Variants in TMPRSS9 observed in about 807,000 individuals in gnomAD.
The protein encoded by TMPRSS9 is transmembrane serine protease 9.
In TMPRSS9, 113 loss-of-function variants were observed where a neutral mutation model predicts 111.4. That is an observed-to-expected ratio of 1.01 (90% CI 0.87 to 1.19). TMPRSS9 has a LOEUF of 1.19. Among genes scored for constraint, TMPRSS9 ranks in the 50% most tolerant of loss-of-function variants. The probability of loss-of-function intolerance (pLI) is 0.00; values close to 1 mark genes in which losing one functional copy is unlikely to be tolerated. For synonymous variants in TMPRSS9, 805 were observed against 659.1 expected (o/e 1.22, Z -3.39); for missense variants, 1,803 against 1,513.1 (o/e 1.19, Z -3.18).
chr19:2,386,006 G>A (rs1238738238), upstream of TMPRSS9, among the ~76,000 whole-genome samples: 3 of 152,048 alleles, frequency 2.0e-5, no homozygotes, highest in Non-Finnish European at 4.4e-5. Context: ...GTGCAGTGGT[G>A]TGATCACAGG....
chr19:2,408,717 C>T, intron 8 of TMPRSS9, 87 bp downstream of exon 9: 1 of 1,515,714 alleles, frequency 6.6e-7, no homozygotes, highest in Middle Eastern at 1.7e-4. Context: ...TGGCTCACGC[C>T]TGTCATCCCA....
chr19:2,426,014 C>T (rs779424273), exon 18 of TMPRSS9: 32 of 1,607,692 alleles, frequency 2.0e-5, no homozygotes, highest in East Asian at 1.1e-4. Context: ...TGGCTGTGGC[C>T]GGCCCCACTT....
intron 1 of TMPRSS9, among the ~76,000 whole-genome samples, chr19:2,363,282 G>T (rs556452140): frequency 6.6e-6 from 1 of 152,190 alleles, no homozygotes; most frequent in Admixed American, 6.5e-5. Flanking sequence ...TAGGCAAAAG[G>T]TGTTGGTGGC....
intron 1 of TMPRSS9, among the ~76,000 whole-genome samples, chr19:2,368,793 T>G (rs1257926183): frequency 8.3e-6 from 1 of 120,294 alleles, no homozygotes; most frequent in African/African-American, 3.9e-5. Context: ...TTTTTTTTTT[T>G]TTTTTTTTAA....
intron 1 of TMPRSS9, among the ~76,000 whole-genome samples, chr19:2,379,918 T>C (rs1279071518): frequency 6.6e-6 from 1 of 151,876 alleles, no homozygotes; most frequent in Non-Finnish European, 1.5e-5. Context: ...CCAGCTACTT[T>C]TTCTATTTTT....
exon 9 of TMPRSS9, chr19:2,410,326 T>C (rs1971068196): frequency 1.2e-6 from 2 of 1,613,984 alleles, no homozygotes; most frequent in South Asian, 1.1e-5. Context: ...TGCCAGCTTG[T>C]ACGGCCATTC....
chr19:2,370,800 CTT>C (rs1970283541), intron 1 of TMPRSS9, among the ~76,000 whole-genome samples: 1 of 151,570 alleles, frequency 6.6e-6, no homozygotes, highest in Non-Finnish European at 1.5e-5. Context: ...TCTACAAAAA[CTT>C]AAAAAAAAAA....
At position 2,418,152 on chromosome 19, in the gene TMPRSS9, G is replaced by A. The variant is rs555999871; in HGVS notation, c.2154+14G>A. The A allele has an allele frequency of 1.6e-5, 25 of 1,601,456 alleles. No homozygotes were observed. In the South Asian group the frequency reaches 2.5e-4, roughly 16 times the overall value. On this transcript the variant is annotated intron_variant, in intron 13 of 17. Transcript: ENST00000648592. ...GACTCCTGCCAGGTAAGCATTCAAA[G>A]GGGGAAAGCGGGCAATATTTCCATG... is the stretch of plus-strand genomic sequence containing the variant.
intron 1 of TMPRSS9, among the ~76,000 whole-genome samples, chr19:2,362,393 T>C (rs1970207929): frequency 6.6e-6 from 1 of 150,866 alleles, no homozygotes; most frequent in African/African-American, 2.5e-5. Context: ...TGCCTGTGAT[T>C]GTGGTGGAGG....
At chr19:2,367,656 C>T (rs534086172) in intron 1 of TMPRSS9, among the ~76,000 whole-genome samples, 10 of 150,930 alleles carry the variant, frequency 6.6e-5, no homozygotes, top group African/African-American at 1.2e-4. Context: ...TTCTGCCTCC[C>T]GGGTTGACAC....
chr19:2,366,660 A>G (rs1360914515), intron 1 of TMPRSS9, among the ~76,000 whole-genome samples: 1 of 151,598 alleles, frequency 6.6e-6, no homozygotes, highest in African/African-American at 2.4e-5. Context: ...GATCAAGACC[A>G]TCCTGGCTAA....
At chr19:2,374,671 G>A (rs191137489) in intron 1 of TMPRSS9, among the ~76,000 whole-genome samples, 3 of 152,272 alleles carry the variant, frequency 2.0e-5, no homozygotes, top group Non-Finnish European at 4.4e-5. Flanking sequence ...TGTCTCTGGG[G>A]AGCCCCTAAC....
intron 1 of TMPRSS9, among the ~76,000 whole-genome samples, chr19:2,360,603 T>G (rs1450439655): frequency 1.3e-5 from 2 of 151,038 alleles, no homozygotes; most frequent in African/African-American, 4.9e-5. Context: ...GCGGCCAGGG[T>G]TGTGTGGACT....
intron 7 of TMPRSS9, among the ~76,000 whole-genome samples, 181 bp downstream of exon 8, chr19:2,405,726 G>T (rs1970954965): frequency 2.1e-5 from 3 of 139,538 alleles, no homozygotes; most frequent in Admixed American, 7.3e-5. Flanking sequence ...TTTTTTTTGA[G>T]ACAGAATCTC....
chr19:2,385,189 GGGGGCGGGGCTCGA>G (rs1320997651), upstream of TMPRSS9, among the ~76,000 whole-genome samples: 27 of 111,422 alleles, frequency 2.4e-4, 1 homozygote, highest in East Asian at 8.1e-3. Flanking sequence ...CGGGGCTCGC[GGGGGCGGGGCTCGA>G]GGGGGCGGGG....
chr19:2,385,475 C>G (rs1278936349), upstream of TMPRSS9, among the ~76,000 whole-genome samples: 1 of 152,098 alleles, frequency 6.6e-6, no homozygotes, highest in Non-Finnish European at 1.5e-5. Flanking sequence ...TGGCCATGTT[C>G]TGGGACTCAT....
At chr19:2,364,241 T>G (rs1475347594) in intron 1 of TMPRSS9, among the ~76,000 whole-genome samples, 2 of 152,046 alleles carry the variant, frequency 1.3e-5, no homozygotes, top group African/African-American at 4.8e-5. Flanking sequence ...ATAGAAGAAA[T>G]TTAGAAGCCC....
At chr19:2,391,045 G>C (rs573095588) in intron 1 of TMPRSS9, among the ~76,000 whole-genome samples, 13 of 145,912 alleles carry the variant, frequency 8.9e-5, no homozygotes, top group African/African-American at 3.1e-4. Context: ...GGGAGGGAGG[G>C]AGGGAGGGAG....
chr19:2,363,719 C>T lies in TMPRSS9; in HGVS notation c.-26+3359C>T, dbSNP rs531399695. ...TGGCTTAGCTGGGGAGCAGGGTTCTCGGGGAGCATAACAGGGAAGCTGCCC... is the reference window on the plus strand; with the variant it reads ...TGGCTTAGCTGGGGAGCAGGGTTCTTGGGGAGCATAACAGGGAAGCTGCCC... On this transcript the variant is annotated intron_variant, in intron 1 of 17. Transcript: ENST00000649857. Among the ~76,000 whole-genome samples, 144 of 151,394 alleles carry T rather than the reference C, an allele frequency of 9.5e-4. 1 individual carries two copies. In the South Asian group the frequency reaches 0.026, roughly 27 times the overall value.
Sources: gnomAD v4.1 joint callset for allele counts (sites outside exome capture counted in the v4.1 genomes callset) on GRCh38, gnomAD v4.1.1 for gene constraint, MANE v1.5 for transcripts, NCBI Gene and HGNC (gene_info 2026-07-23, HGNC 2026-07-21) for gene names.